The following MLLT3 variants were observed in gnomAD, a reference collection of about 807,000 sequenced individuals.
MLLT3 encodes MLLT3 super elongation complex subunit, also known as protein AF-9.
A neutral mutation model predicts 53.2 loss-of-function variants in MLLT3; 4 were observed. The observed-to-expected ratio is 0.08, with a 90% CI of 0.04 to 0.17. The LOEUF (loss-of-function observed/expected upper bound fraction) is 0.17. MLLT3 is among the 10% of genes least tolerant of loss of function. The pLI, the probability that MLLT3 is intolerant of heterozygous loss-of-function variation, is 1.00. For synonymous variants in MLLT3, 283 were observed against 230.6 expected, an observed-to-expected ratio of 1.23 and a Z score of -2.06; for missense variants, 569 against 684.0, an observed-to-expected ratio of 0.83 and a Z score of 1.87.
At chr9:20,619,159 A>G (rs1820921007) in intron 2 of MLLT3, among the ~76,000 whole-genome samples, 1 of 152,244 alleles carries the variant, frequency 6.6e-6, no homozygotes, top group African/African-American at 2.4e-5. Flanking sequence ...TGGAGGAAAT[A>G]TGAAATATAA....
intron 7 of MLLT3, among the ~76,000 whole-genome samples, chr9:20,362,340 C>A (rs562329429): frequency 6.6e-6 from 1 of 152,136 alleles, no homozygotes; most frequent in Non-Finnish European, 1.5e-5. Context: ...ATAGGTCATA[C>A]GTTTTTCATC....
chr9:20,564,687 T>A (rs1819302922), intron 2 of MLLT3, among the ~76,000 whole-genome samples: 1 of 152,192 alleles, frequency 6.6e-6, no homozygotes, highest in Admixed American at 6.6e-5. Flanking sequence ...TTAAATCATT[T>A]AATTCTGCCA....
chr9:20,404,445 G>T (rs570137805), intron 5 of MLLT3, among the ~76,000 whole-genome samples: 1 of 152,170 alleles, frequency 6.6e-6, no homozygotes, highest in South Asian at 2.1e-4. Context: ...ATAATAAGGT[G>T]AGCATTACTA....
At chr9:20,532,941 A>G in intron 2 of MLLT3, 1 of 266,504 alleles carries the variant, frequency 3.8e-6, no homozygotes, top group South Asian at 4.2e-5. Flanking sequence ...GCACATCCCC[A>G]CTAAGAGATC....
At chr9:20,463,678 T>C (rs1824167353) in intron 2 of MLLT3, among the ~76,000 whole-genome samples, 1 of 152,156 alleles carries the variant, frequency 6.6e-6, no homozygotes, top group Non-Finnish European at 1.5e-5. Flanking sequence ...GCTAATATGA[T>C]GGGAAATAGA....
intron 10 of MLLT3, 105 bp from the exon 11 acceptor site, chr9:20,346,679 T>C: frequency 9.2e-7 from 1 of 1,092,660 alleles, no homozygotes; most frequent in Non-Finnish European, 1.3e-6. Context: ...GTGATAAATA[T>C]TCGTATTTAT....
chr9:20,399,431 C>T (rs1822400827), intron 5 of MLLT3, among the ~76,000 whole-genome samples: 1 of 152,040 alleles, frequency 6.6e-6, no homozygotes, highest in South Asian at 2.1e-4. Flanking sequence ...ACAGGGTCTG[C>T]CCTCAAAATA....
chr9:20,360,099 T>C (rs1185018438), intron 8 of MLLT3, among the ~76,000 whole-genome samples: 1 of 152,252 alleles, frequency 6.6e-6, no homozygotes, highest in Non-Finnish European at 1.5e-5. Flanking sequence ...GTAACAATGA[T>C]AATGACCATT....
chr9:20,506,330 C>T (rs979313452), intron 2 of MLLT3, among the ~76,000 whole-genome samples: 4 of 152,154 alleles, frequency 2.6e-5, no homozygotes, highest in Non-Finnish European at 4.4e-5. Context: ...CGTGAGCCAC[C>T]GTGCCCGGCC....
intron 2 of MLLT3, among the ~76,000 whole-genome samples, chr9:20,529,383 T>A (rs1380121606): frequency 6.6e-6 from 1 of 152,214 alleles, no homozygotes; most frequent in African/African-American, 2.4e-5. Context: ...TGTAACTTAA[T>A]TTGAAAATAT....
chr9:20,547,575 C>T lies in MLLT3; in HGVS notation c.193+73079G>A, dbSNP rs974781704. ...AAGAGAATCTCTTGAACCTGGGAGG[C>T]GGAGGTTGCAGTGAGCCGAGATCGC... On this transcript the variant is annotated intron_variant, in intron 2 of 10. Coordinates refer to ENST00000380338, the MANE Select transcript of MLLT3 (RefSeq NM_004529.4). Among the ~76,000 whole-genome samples the T allele has an allele frequency of 8.3e-5, 12 of 144,578 alleles. No homozygotes were observed. The South Asian group carries it at 1.3e-3, about 16-fold the overall frequency. The allele number at this position is 144,578 out of a possible 152,430, so 94.8% of individuals were successfully genotyped here. A position where few individuals can be genotyped will look rare whatever the true frequency, so the allele number is the denominator to read the frequency against.
chr9:20,574,163 A>G (rs1333833086), intron 2 of MLLT3, among the ~76,000 whole-genome samples: 2 of 152,332 alleles, frequency 1.3e-5, no homozygotes, highest in East Asian at 1.9e-4. Flanking sequence ...ATTTCTAACA[A>G]GTTCCTAGGT....
chr9:20,568,646 A>C (rs1360235267), intron 2 of MLLT3, among the ~76,000 whole-genome samples: 1 of 152,224 alleles, frequency 6.6e-6, no homozygotes, highest in Admixed American at 6.5e-5. Context: ...GGATGTAACA[A>C]GTATAGAATG....
At chr9:20,418,816 A>C (rs1822938876) in intron 4 of MLLT3, among the ~76,000 whole-genome samples, 1 of 152,168 alleles carries the variant, frequency 6.6e-6, no homozygotes, top group South Asian at 2.1e-4. Context: ...AGGTATGGCC[A>C]GCCTTCCCAG....
In MLLT3 at chr9:20,373,942, T is replaced by TAA. The variant is rs60434351; in HGVS notation, c.1126-8200_1126-8199dup. Among the ~76,000 whole-genome samples, 979 of 146,918 alleles carry TAA rather than the reference T, an allele frequency of 6.7e-3. 9 individuals are homozygous for TAA. Among genetic ancestry groups the TAA allele is most frequent in the African/African-American group, 0.023 (920 of 40,406 alleles). ...CTCACAGTTTTGGTCCTTCTTTCAT[T>TAA]AAAAAAAAAAATCACCTTACACATT... On this transcript the variant is annotated intron_variant, in intron 5 of 10. Coordinates refer to ENST00000380338, the MANE Select transcript of MLLT3 (RefSeq NM_004529.4).
At chr9:20,368,658 G>C (rs986414832) in intron 5 of MLLT3, among the ~76,000 whole-genome samples, 1 of 152,128 alleles carries the variant, frequency 6.6e-6, no homozygotes, top group Non-Finnish European at 1.5e-5. Context: ...CATAAATAAG[G>C]TTAATAATTC....
chr9:20,350,478 C>A (rs1024948163), intron 10 of MLLT3, among the ~76,000 whole-genome samples: 4 of 150,336 alleles, frequency 2.7e-5, no homozygotes, highest in African/African-American at 1.0e-4. Context: ...GCCTGTAGTC[C>A]CAGCTACTTG....
At chr9:20,417,209 A>G (rs551646093) in intron 4 of MLLT3, among the ~76,000 whole-genome samples, 1 of 144,904 alleles carries the variant, frequency 6.9e-6, no homozygotes, top group Non-Finnish European at 1.5e-5. Flanking sequence ...TATTATATAT[A>G]TATGGGGGTC....
At chr9:20,505,069 T>G (rs1014367422) in intron 2 of MLLT3, among the ~76,000 whole-genome samples, 2 of 152,084 alleles carry the variant, frequency 1.3e-5, no homozygotes, top group Non-Finnish European at 2.9e-5. Flanking sequence ...ACATCCAATT[T>G]AGTGACTGAT....
Sources: allele counts gnomAD v4.1 joint callset (sites outside exome capture counted in the v4.1 genomes callset), GRCh38; gene constraint gnomAD v4.1.1; transcripts MANE v1.5; gene names NCBI Gene and HGNC (gene_info 2026-07-23, HGNC 2026-07-21).